CSMD1: variants seen among roughly 807,000 people sequenced by gnomAD.
The protein encoded by CSMD1 is CUB and Sushi multiple domains 1, also known as CUB and sushi domain-containing protein 1.
In CSMD1, 213 loss-of-function variants were observed where a neutral mutation model predicts 417.5. The observed-to-expected ratio is 0.51, with a 90% CI of 0.46 to 0.57. The LOEUF is 0.57. CSMD1 is among the 20% of genes least tolerant of loss of function. The probability of loss-of-function intolerance (pLI) is 0.00; values close to 1 mark genes in which losing one functional copy is unlikely to be tolerated. For missense variants in CSMD1, 6,923 were observed against 4,529.7 expected, an observed-to-expected ratio of 1.53 and a Z score of -15.17; for synonymous variants, 2,862 against 1,736.8, an observed-to-expected ratio of 1.65 and a Z score of -16.11.
At chr8:4,011,878 G>C (rs746019529) in intron 4 of CSMD1, among the ~76,000 whole-genome samples, 1 of 151,976 alleles carries the variant, frequency 6.6e-6, no homozygotes, top group Non-Finnish European at 1.5e-5. Context: ...CAATGCTCAA[G>C]TCCCTTATAT....
At chr8:3,324,139 A>T (rs1168474085) in intron 23 of CSMD1, among the ~76,000 whole-genome samples, 1 of 139,704 alleles carries the variant, frequency 7.2e-6, no homozygotes, top group Non-Finnish European at 1.5e-5. Context: ...AAATAGACAC[A>T]CATCTAACAC....
At position 4,615,817 on chromosome 8, in the gene CSMD1, T is replaced by C. The variant is rs73659171; in HGVS notation, c.302+21525A>G. On this transcript the variant is annotated intron_variant, in intron 2 of 69. Coordinates refer to ENST00000635120, the MANE Select transcript of CSMD1 (RefSeq NM_033225.6). ...ATGACTATTTCCATCTTATTCCTGATAATCTATCAAAACCTTCCTTTTTCT... is the reference window on the plus strand; with the variant it reads ...ATGACTATTTCCATCTTATTCCTGACAATCTATCAAAACCTTCCTTTTTCT... 6.5e-3 allele frequency among the ~76,000 whole-genome samples: 994 copies of C among 152,296 alleles called. 12 individuals carry two copies. Among genetic ancestry groups the C allele is most frequent in the African/African-American group, 0.023 (950 of 41,562 alleles).
chr8:4,598,944 T>C (rs556030743), intron 2 of CSMD1, among the ~76,000 whole-genome samples: 2 of 152,320 alleles, frequency 1.3e-5, no homozygotes, highest in South Asian at 4.1e-4. Flanking sequence ...CAGTTGTTTC[T>C]AAATCAAATG....
At chr8:3,827,608 T>C (rs1459263764) in intron 5 of CSMD1, among the ~76,000 whole-genome samples, 1 of 152,212 alleles carries the variant, frequency 6.6e-6, no homozygotes, top group Non-Finnish European at 1.5e-5. Flanking sequence ...AAATGAACTA[T>C]TCATATGGAA....
chr8:4,748,862 G>T (rs1237381414), intron 1 of CSMD1, among the ~76,000 whole-genome samples: 1 of 152,226 alleles, frequency 6.6e-6, no homozygotes, highest in Admixed American at 6.5e-5. Flanking sequence ...CGCCCCTTCA[G>T]GAGAGTTATT....
intron 20 of CSMD1, among the ~76,000 whole-genome samples, chr8:3,363,306 G>A (rs1012960826): frequency 5.9e-5 from 9 of 152,298 alleles, no homozygotes; most frequent in East Asian, 1.9e-4. Flanking sequence ...CATTTGAAAA[G>A]TCATGGTACC....
chr8:3,945,190 A>AC (rs1443339519), intron 5 of CSMD1, among the ~76,000 whole-genome samples: 29 of 151,952 alleles, frequency 1.9e-4, no homozygotes, highest in African/African-American at 6.8e-4. Context: ...AAAAAAAAAA[A>AC]AAAAAAACAG....
rs539032746 is a variant in CSMD1, at chr8:3,950,355, A to C, written c.818+47548T>G. Among the ~76,000 whole-genome samples, 3 of 152,310 alleles carry C rather than the reference A, an allele frequency of 2.0e-5. No homozygotes were observed. The South Asian group carries it at 6.2e-4, about 32-fold the overall frequency. Reference sequence around the variant, plus strand: ...CATCTGACTCTAGCTGGTCTGCATAAAGTTTAAGAACAGGGAAAACTCTCC... The same window carrying C: ...CATCTGACTCTAGCTGGTCTGCATACAGTTTAAGAACAGGGAAAACTCTCC... On this transcript the variant is annotated intron_variant, in intron 5 of 69. Transcript: ENST00000635120.
intron 2 of CSMD1, among the ~76,000 whole-genome samples, chr8:4,605,353 G>A (rs547892874): frequency 6.6e-6 from 1 of 152,276 alleles, no homozygotes; most frequent in East Asian, 1.9e-4. Context: ...AATTATCTAT[G>A]AGCAAAGAGA....
At chr8:3,709,678 A>ATTTTT (rs1563296488) in intron 6 of CSMD1, among the ~76,000 whole-genome samples, 2 of 24,318 alleles carry the variant, frequency 8.2e-5, no homozygotes, top group Admixed American at 5.7e-4. Context: ...TTGCAGCAGC[A>ATTTTT]TGTTTTTTTT....
chr8:3,636,950 A>T (rs942847980), intron 7 of CSMD1, among the ~76,000 whole-genome samples: 6 of 152,098 alleles, frequency 3.9e-5, no homozygotes, highest in Admixed American at 3.9e-4. Context: ...TATTGAGATG[A>T]TGGATTGCTA....
At chr8:4,282,277 T>C (rs984080020) in intron 3 of CSMD1, among the ~76,000 whole-genome samples, 1 of 152,184 alleles carries the variant, frequency 6.6e-6, no homozygotes, top group Non-Finnish European at 1.5e-5. Context: ...CCTGTCATTT[T>C]ACAGATAGAA....
chr8:3,243,979 T>C (rs948021366), intron 26 of CSMD1, among the ~76,000 whole-genome samples: 10 of 152,190 alleles, frequency 6.6e-5, no homozygotes, highest in African/African-American at 2.4e-4. Context: ...TACGTTTGCT[T>C]AGCATACGCA....
At chr8:4,240,461 C>G (rs937023179) in intron 3 of CSMD1, among the ~76,000 whole-genome samples, 3 of 152,238 alleles carry the variant, frequency 2.0e-5, no homozygotes, top group South Asian at 2.1e-4. Flanking sequence ...TTCCACATCT[C>G]AGATAACAAT....
rs550103970 is a variant in CSMD1, at chr8:3,556,415, T to A, written c.1344+18530A>T. Among the ~76,000 whole-genome samples the A allele has an allele frequency of 8.0e-3, 454 of 56,982 alleles. 30 individuals carry two copies. The highest frequency in any genetic ancestry group is 0.026 in the African/African-American group (417 of 16,056). 37.4% of individuals were successfully genotyped at this position (56,982 alleles called of 152,430 possible). Reference sequence around the variant, plus strand: ...TTAATATATATATATATATATATATTCACACACACAAAGAATTTATGAGGG... The same window carrying A: ...TTAATATATATATATATATATATATACACACACACAAAGAATTTATGAGGG... On this transcript the variant is annotated intron_variant, in intron 10 of 69. Coordinates refer to ENST00000635120, the MANE Select transcript of CSMD1 (RefSeq NM_033225.6).
At chr8:4,268,374 C>G (rs1029602580) in intron 3 of CSMD1, among the ~76,000 whole-genome samples, 1 of 152,122 alleles carries the variant, frequency 6.6e-6, no homozygotes, top group African/African-American at 2.4e-5. Flanking sequence ...GATCAATACA[C>G]TTAGTTAATT....
rs765894402 is a variant in CSMD1, at chr8:3,934,601, T to A, written c.818+63302A>T. 2.6e-5 allele frequency among the ~76,000 whole-genome samples: 4 copies of A among 152,278 alleles called. No individual in the cohort carries two copies. In the Middle Eastern group the frequency reaches 0.01, roughly 388 times the overall value. On this transcript the variant is annotated intron_variant, in intron 5 of 69. Coordinates refer to ENST00000635120, the MANE Select transcript of CSMD1 (RefSeq NM_033225.6). ...CAGGCGCGGTGGCTGATGCCTGTAA[T>A]CTCAGCACTTTGGCAGGCCAAGGAG...
chr8:3,499,446 G>C (rs1469954343), intron 10 of CSMD1, among the ~76,000 whole-genome samples: 4 of 152,114 alleles, frequency 2.6e-5, no homozygotes, highest in Admixed American at 6.6e-5. Flanking sequence ...AGGTGGGCTG[G>C]TCCTTGGGTC....
chr8:4,518,591 G>A (rs1475475705), intron 2 of CSMD1, among the ~76,000 whole-genome samples: 2 of 137,476 alleles, frequency 1.5e-5, no homozygotes, highest in Admixed American at 1.5e-4. Flanking sequence ...ACAGGAAGGG[G>A]AACATCACAC....
Sources: gnomAD v4.1 joint callset for allele counts (sites outside exome capture counted in the v4.1 genomes callset) on GRCh38, gnomAD v4.1.1 for gene constraint, MANE v1.5 for transcripts, NCBI Gene and HGNC (gene_info 2026-07-23, HGNC 2026-07-21) for gene names.